Variants in SLC24A3 observed in about 807,000 individuals in gnomAD.
SLC24A3 encodes solute carrier family 24 member 3, also known as sodium/potassium/calcium exchanger 3.
Under a neutral mutation model 75.8 loss-of-function variants are expected in SLC24A3, and 28 were observed. That is an observed-to-expected ratio of 0.37 (90% CI 0.27 to 0.51). The LOEUF (loss-of-function observed/expected upper bound fraction) is 0.51, where lower values mean the gene tolerates loss of function less well. SLC24A3 is among the 20% of genes least tolerant of loss of function. The pLI is 0.94. For missense variants in SLC24A3, 663 were observed against 847.8 expected, an observed-to-expected ratio of 0.78 and a Z score of 2.71; for synonymous variants, 372 against 334.1, an observed-to-expected ratio of 1.11 and a Z score of -1.24.
At chr20:19,711,020 CAGTATG>C (rs2032981537) in intron 15 of SLC24A3, among the ~76,000 whole-genome samples, 1 of 15,072 alleles carries the variant, frequency 6.6e-5, no homozygotes, top group Non-Finnish European at 1.2e-4. Flanking sequence ...CACTGCCTCC[CAGTATG>C]CACATGCAGT....
intron 6 of SLC24A3, among the ~76,000 whole-genome samples, chr20:19,622,443 C>G (rs963586286): frequency 2.0e-5 from 3 of 152,102 alleles, no homozygotes; most frequent in African/African-American, 7.2e-5. Flanking sequence ...CAAACTAGTG[C>G]TATAATTCAC....
chr20:19,465,400 T>TTTA (rs3058636), intron 2 of SLC24A3, among the ~76,000 whole-genome samples: 1 of 150,486 alleles, frequency 6.6e-6, no homozygotes, highest in Non-Finnish European at 1.5e-5. Flanking sequence ...TTTTTTTTTT[T>TTTA]ATCAAAACAC....
chr20:19,352,791 T>C (rs2122327568), intron 2 of SLC24A3, among the ~76,000 whole-genome samples: 1 of 152,292 alleles, frequency 6.6e-6, no homozygotes, highest in East Asian at 1.9e-4. Flanking sequence ...TCTTTTAAAG[T>C]CTTTAAGGTC....
chr20:19,231,276 G>T (rs1246143678), intron 1 of SLC24A3, among the ~76,000 whole-genome samples: 2 of 152,204 alleles, frequency 1.3e-5, no homozygotes. Flanking sequence ...GCAGAATAGT[G>T]CTCCCGAAGA....
At chr20:19,557,654 A>T (rs945936271) in intron 3 of SLC24A3, among the ~76,000 whole-genome samples, 1 of 152,202 alleles carries the variant, frequency 6.6e-6, no homozygotes, top group African/African-American at 2.4e-5. Context: ...AATGCAGCAC[A>T]GTTCTGTCTG....
chr20:19,440,874 G>A (rs962717419), intron 2 of SLC24A3, among the ~76,000 whole-genome samples: 11 of 152,078 alleles, frequency 7.2e-5, no homozygotes, highest in African/African-American at 2.7e-4. Flanking sequence ...TGGGCCGACA[G>A]CAGCCTCAGG....
chr20:19,595,705 T>C (rs577394344), intron 6 of SLC24A3, among the ~76,000 whole-genome samples: 5 of 152,242 alleles, frequency 3.3e-5, no homozygotes, highest in African/African-American at 1.2e-4. Context: ...CACAGACCCA[T>C]GGGAGAACAC....
At chr20:19,357,452 T>C (rs1050949963) in intron 2 of SLC24A3, among the ~76,000 whole-genome samples, 3 of 152,246 alleles carry the variant, frequency 2.0e-5, no homozygotes, top group Non-Finnish European at 2.9e-5. Context: ...CTTCTGTGGA[T>C]TGATTATTCA....
chr20:19,486,569 C>A (rs1217280918), intron 2 of SLC24A3, among the ~76,000 whole-genome samples: 1 of 152,192 alleles, frequency 6.6e-6, no homozygotes, highest in African/African-American at 2.4e-5. Context: ...CACACCCAAC[C>A]CACAAGCTCA....
intron 3 of SLC24A3, among the ~76,000 whole-genome samples, chr20:19,533,644 A>G (rs2030344536): frequency 6.6e-6 from 1 of 152,200 alleles, no homozygotes; most frequent in African/African-American, 2.4e-5. Flanking sequence ...TGTGGCTGGC[A>G]TGGTTGGGTC....
intron 1 of SLC24A3, among the ~76,000 whole-genome samples, chr20:19,239,860 AG>A (rs763466559): frequency 3.3e-5 from 5 of 152,124 alleles, no homozygotes; most frequent in Non-Finnish European, 7.4e-5. Flanking sequence ...CCTTGGCACT[AG>A]TCCAGGGCTG....
intron 2 of SLC24A3, among the ~76,000 whole-genome samples, chr20:19,311,499 C>T (rs959084703): frequency 6.6e-6 from 1 of 152,140 alleles, no homozygotes; most frequent in Non-Finnish European, 1.5e-5. Context: ...AGGAATCCAG[C>T]TACATCCACT....
At chr20:19,419,259 C>A (rs781326292) in intron 2 of SLC24A3, among the ~76,000 whole-genome samples, 1 of 152,102 alleles carries the variant, frequency 6.6e-6, no homozygotes, top group Non-Finnish European at 1.5e-5. Context: ...AAAGGAGTGA[C>A]AAGCAGACAT....
intron 2 of SLC24A3, among the ~76,000 whole-genome samples, chr20:19,343,088 A>AAAAAAAAAAAAAAAAG (rs1568594815): frequency 6.8e-6 from 1 of 147,188 alleles, no homozygotes; most frequent in African/African-American, 2.7e-5. Context: ...AAAAAAAGAA[A>AAAAAAAAAAAAAAAAG]AAAGAAAAAG....
At chr20:19,275,012 C>T (rs997669375) in intron 1 of SLC24A3, among the ~76,000 whole-genome samples, 1 of 152,232 alleles carries the variant, frequency 6.6e-6, no homozygotes, top group Non-Finnish European at 1.5e-5. Context: ...GTGTTGCATT[C>T]GGCTTTACAA....
At chr20:19,630,501 A>T (rs1255456610) in intron 6 of SLC24A3, among the ~76,000 whole-genome samples, 1 of 152,216 alleles carries the variant, frequency 6.6e-6, no homozygotes, top group Admixed American at 6.5e-5. Flanking sequence ...GAAATTAAAT[A>T]ACAAGTTAGG....
chr20:19,480,203 A>T (rs1988031285), intron 2 of SLC24A3, among the ~76,000 whole-genome samples: 1 of 152,194 alleles, frequency 6.6e-6, no homozygotes, highest in Non-Finnish European at 1.5e-5. Context: ...TGCAGCAGAA[A>T]GTTGCAGTTC....
intron 6 of SLC24A3, among the ~76,000 whole-genome samples, chr20:19,639,863 C>T (rs1352226930): frequency 1.3e-5 from 2 of 152,266 alleles, no homozygotes; most frequent in South Asian, 2.1e-4. Flanking sequence ...CCTCCGCAGC[C>T]GCTGGCCCAG....
chr20:19,324,913 T>C (rs1984802695), intron 2 of SLC24A3, among the ~76,000 whole-genome samples: 1 of 152,138 alleles, frequency 6.6e-6, no homozygotes, highest in African/African-American at 2.4e-5. Context: ...AATACAAAAA[T>C]CCAATGTCTT....
Sources: allele counts gnomAD v4.1 joint callset (sites outside exome capture counted in the v4.1 genomes callset), GRCh38; gene constraint gnomAD v4.1.1; transcripts MANE v1.5; gene names NCBI Gene and HGNC (gene_info 2026-07-23, HGNC 2026-07-21).